The following AGBL2 variants were observed in gnomAD, a reference collection of about 807,000 sequenced individuals.
The protein encoded by AGBL2 is cytosolic carboxypeptidase 2.
Under a neutral mutation model 103.0 loss-of-function variants are expected in AGBL2, and 87 were observed. The ratio of observed to expected loss-of-function variants is 0.84; its 90% CI spans 0.71 to 1.01. The LOEUF is 1.01. Among genes scored for constraint, AGBL2 ranks in the 50% least tolerant of loss-of-function variants. AGBL2 has a pLI of 0.00. For synonymous variants in AGBL2, 335 were observed against 356.7 expected (o/e 0.94, Z 0.69); for missense variants, 904 against 1,023.5 (o/e 0.88, Z 1.59).
chr11:47,689,473 T>C (rs1053685356), intron 10 of AGBL2, among the ~76,000 whole-genome samples: 6 of 151,806 alleles, frequency 4.0e-5, no homozygotes, highest in Non-Finnish European at 4.4e-5. Context: ...CCTGGCTAAT[T>C]TTTGTATCTT....
At position 47,704,606 on chromosome 11, in the gene AGBL2, G is replaced by T. The variant is rs778604890; in HGVS notation, c.523C>A (p.Pro175Thr). Residue 175 changes from proline (P) to threonine (T), a missense_variant, in exon 7 of 19, where the codon CCA becomes ACA. Pro to Thr is a conservative substitution (Grantham distance 38, BLOSUM62 -1). Coordinates refer to ENST00000525123, the MANE Select transcript of AGBL2 (RefSeq NM_024783.4). Reference sequence around the variant, plus strand: ...ATTGGCCATCTTGGAGCCTGCAGTGGCCTCTTGGTAGACAAAATGGAAAAG... The same window carrying T: ...ATTGGCCATCTTGGAGCCTGCAGTGTCCTCTTGGTAGACAAAATGGAAAAG... ...ELFSILSTKR[P>T]LQAPRWPIEC... 30 of 1,613,978 alleles carry T rather than the reference G, an allele frequency of 1.9e-5. No individual in the cohort carries two copies. The highest frequency in any genetic ancestry group is 2.5e-5 in the Non-Finnish European group (30 of 1,180,014).
intron 11 of AGBL2, among the ~76,000 whole-genome samples, chr11:47,683,205 T>C (rs1192951125): frequency 2.0e-5 from 3 of 151,822 alleles, no homozygotes; most frequent in Non-Finnish European, 4.4e-5. Context: ...ACCCCGACTC[T>C]ACTAAAAATA....
chr11:47,710,356 C>T (rs763833846), intron 4 of AGBL2, 21 bp downstream of exon 4: 1 of 1,613,902 alleles, frequency 6.2e-7, no homozygotes, highest in Admixed American at 1.7e-5. Flanking sequence ...CTAGAGGTCA[C>T]ACATACTGAT....
In AGBL2 at chr11:47,677,390, A is replaced by C; in HGVS notation, c.2028T>G (p.Cys676Trp). 2 of 1,551,334 alleles carry C rather than the reference A, an allele frequency of 1.3e-6. No homozygotes were observed. Among genetic ancestry groups the C allele is most frequent in the Non-Finnish European group, 1.7e-6 (2 of 1,151,674 alleles). The change falls in exon 14 of 19, where the codon TGT becomes TGG. Residue 676 changes from cysteine to tryptophan, a missense_variant. Transcript: ENST00000525123. ...GTAAAAGCTCCTTAAGCTCTGCTAGACACTGAGTGAACTATGAAAGTGAAA... is the reference window on the plus strand; with the variant it reads ...GTAAAAGCTCCTTAAGCTCTGCTAGCCACTGAGTGAACTATGAAAGTGAAA... ...CDPDQMKFTQCLAELKELLRQ... is the reference protein window; with the variant it reads ...CDPDQMKFTQWLAELKELLRQ...
intron 4 of AGBL2, among the ~76,000 whole-genome samples, chr11:47,708,350 G>A (rs2097527366): frequency 6.6e-6 from 1 of 151,806 alleles, no homozygotes; most frequent in Admixed American, 6.6e-5. Flanking sequence ...TTACAGGCAT[G>A]AGCCACTGTG....
Position 47,668,905 on chromosome 11 carries a change from G to A in AGBL2, c.2150C>T (p.Thr717Ile). The A allele has an allele frequency of 1.2e-6, 2 of 1,612,004 alleles. No individual in the cohort carries two copies. Among genetic ancestry groups the A allele is most frequent in the Non-Finnish European group, 1.7e-6 (2 of 1,178,666 alleles). ...TGAGAGAGAACTGTCAGAGCCACTG[G>A]TGCTGTTTCCAAAAGAAAAAAAGAA... ...DISLSDIESSTSGSDSSLSDG... is the reference protein window; with the variant it reads ...DISLSDIESSISGSDSSLSDG... Residue 717 changes from threonine to isoleucine, a missense_variant and splice_region_variant, in exon 15 of 19, where the codon ACC (threonine) becomes ATC (isoleucine). Transcript: ENST00000525123.
chr11:47,676,121 T>C (rs1410056639), intron 14 of AGBL2, among the ~76,000 whole-genome samples: 1 of 152,050 alleles, frequency 6.6e-6, no homozygotes, highest in Non-Finnish European at 1.5e-5. Context: ...AAATATATAA[T>C]GGACATTACA....
chr11:47,671,063 C>A (rs1328632562), intron 14 of AGBL2, among the ~76,000 whole-genome samples: 14 of 152,102 alleles, frequency 9.2e-5, no homozygotes, highest in Non-Finnish European at 1.5e-4. Flanking sequence ...GTGTCCTCCC[C>A]CTTTCTGCAA....
chr11:47,714,967 G>A (rs1457147400), intron 1 of AGBL2: 1 of 359,334 alleles, frequency 2.8e-6, no homozygotes, highest in African/African-American at 2.1e-5. Context: ...CTTTCCCTGA[G>A]AAAGGAGATG....
At chr11:47,700,535 C>T (rs1599059272) in intron 7 of AGBL2, among the ~76,000 whole-genome samples, 1 of 152,056 alleles carries the variant, frequency 6.6e-6, no homozygotes. Flanking sequence ...ACCGAGATCA[C>T]GCCACTGCGT....
At chr11:47,707,724 C>A (rs1337739337) in intron 4 of AGBL2, among the ~76,000 whole-genome samples, 1 of 152,126 alleles carries the variant, frequency 6.6e-6, no homozygotes, top group Non-Finnish European at 1.5e-5. Context: ...GTGTGTTCCT[C>A]CATACCCTAA....
intron 13 of AGBL2, among the ~76,000 whole-genome samples, chr11:47,678,473 A>C (rs1441768803): frequency 6.7e-6 from 1 of 150,326 alleles, no homozygotes; most frequent in African/African-American, 2.4e-5. Flanking sequence ...AGCTGGGATT[A>C]CAGGCGCTTG....
intron 8 of AGBL2, 119 bp downstream of exon 8, chr11:47,699,327 G>A: frequency 1.9e-6 from 1 of 533,500 alleles, no homozygotes; most frequent in African/African-American, 2.0e-5. Context: ...CACTCATGTT[G>A]GCCTGGAAAA....
At chr11:47,667,140 G>A (rs948407615) in intron 16 of AGBL2, 77 bp from the exon 17 acceptor site, 2 of 1,008,438 alleles carry the variant, frequency 2.0e-6, no homozygotes, top group African/African-American at 3.3e-5. Context: ...AGCAAAACTT[G>A]TACTTCTGAA....
chr11:47,707,256 C>T (rs561079799), intron 4 of AGBL2, among the ~76,000 whole-genome samples: 33 of 152,246 alleles, frequency 2.2e-4, no homozygotes, highest in African/African-American at 7.9e-4. Flanking sequence ...AAGGGAAATA[C>T]TACATCAAGG....
intron 8 of AGBL2, 97 bp from the exon 9 acceptor site, chr11:47,692,353 G>A: frequency 1.6e-6 from 1 of 623,704 alleles, no homozygotes. Context: ...CACTATTCTA[G>A]ACCAACAATG....
chr11:47,660,383 T>C (rs2097324998), intron 18 of AGBL2, 37 bp from the exon 19 acceptor site: 2 of 1,572,524 alleles, frequency 1.3e-6, no homozygotes, highest in Non-Finnish European at 1.7e-6. Context: ...GAATTCAGTT[T>C]ATTTTGCCAT....
chr11:47,698,194 A>T, intron 8 of AGBL2, among the ~76,000 whole-genome samples: 1 of 91,710 alleles, frequency 1.1e-5, no homozygotes. Context: ...TTTTTTTGAG[A>T]CGGAGTTTCA....
At chr11:47,671,371 T>A (rs980661267) in intron 14 of AGBL2, among the ~76,000 whole-genome samples, 75 of 151,814 alleles carry the variant, frequency 4.9e-4, no homozygotes, top group South Asian at 1.3e-3. Context: ...AAAAAAAAAA[T>A]TAGCTGGGTG....
Sources: gnomAD v4.1 joint callset for allele counts (sites outside exome capture counted in the v4.1 genomes callset) on GRCh38, gnomAD v4.1.1 for gene constraint, MANE v1.5 for transcripts, NCBI Gene and HGNC (gene_info 2026-07-23, HGNC 2026-07-21) for gene names.